OR1F1: variants seen among roughly 807,000 people sequenced by gnomAD.
OR1F1 encodes the protein olfactory receptor family 1 subfamily F member 1, also known as olfactory receptor 1F1.
For missense variants in OR1F1, 493 were observed against 376.3 expected, an observed-to-expected ratio of 1.31 and a Z score of -2.57; for synonymous variants, 184 against 156.7, an observed-to-expected ratio of 1.17 and a Z score of -1.30.
upstream of OR1F1, among the ~76,000 whole-genome samples, chr16:3,202,904 A>G (rs1476419640): frequency 1.3e-5 from 2 of 152,136 alleles, no homozygotes; most frequent in African/African-American, 2.4e-5. Context: ...CTAAGGCTAT[A>G]CAACTGGTAA....
At chr16:3,196,330 T>A in the OR1F1 span, among the ~76,000 whole-genome samples, 26 of 152,348 alleles carry the variant, frequency 1.7e-4, no homozygotes, top group Admixed American at 1.2e-3. Context: ...GTTAGTAACG[T>A]TTAGCAAGAC....
At chr16:3,189,675 G>A in the OR1F1 span, 4 of 151,886 alleles carry the variant, frequency 2.6e-5, no homozygotes, top group Admixed American at 6.7e-5. Context: ...TAGGGTGCGA[G>A]AGGTCCCGGG....
At position 3,204,857 on chromosome 16, in the gene OR1F1, C is replaced by T. The variant is rs376628301; in HGVS notation, c.611C>T (p.Ala204Val). ...GAGGTCATAATCCTTAGTGAGGGTG[C>T]CCTGGTCATGATCACCCCATTTCTT... is the stretch of plus-strand genomic sequence containing the variant. Residue 204 changes from alanine to valine, a missense_variant, in exon 1 of 1, where the codon GCC (alanine) becomes GTC (valine). Coordinates refer to ENST00000304646, the Ensembl canonical transcript of OR1F1. 785 of 1,614,122 alleles carry T rather than the reference C, an allele frequency of 4.9e-4. 10 individuals are homozygous for T. In the South Asian group the frequency reaches 8.0e-3, roughly 16 times the overall value.
At chr16:3,192,142 C>A in the OR1F1 span, among the ~76,000 whole-genome samples, 1 of 152,152 alleles carries the variant, frequency 6.6e-6, no homozygotes, top group Non-Finnish European at 1.5e-5. Context: ...GTTGAAGCTC[C>A]TTCTCCTGGG....
At chr16:3,190,617 G>A in the OR1F1 span, among the ~76,000 whole-genome samples, 2 of 152,086 alleles carry the variant, frequency 1.3e-5, no homozygotes, top group Admixed American at 6.6e-5. Context: ...CGGTCATGGT[G>A]GCGGGCGCCT....
chr16:3,192,019 T>C, the OR1F1 span, among the ~76,000 whole-genome samples: 1 of 152,016 alleles, frequency 6.6e-6, no homozygotes, highest in Non-Finnish European at 1.5e-5. Context: ...TGATTCTCGC[T>C]TAGGATGCGA....
chr16:3,199,791 G>T (rs185326330), upstream of OR1F1, among the ~76,000 whole-genome samples: 18 of 152,194 alleles, frequency 1.2e-4, 1 homozygote, highest in East Asian at 3.3e-3. Context: ...CAAGGCGGGC[G>T]GATCGCCTGA....
At chr16:3,204,666 C>T in exon 1 of OR1F1, 1 of 1,614,224 alleles carries the variant, frequency 6.2e-7, no homozygotes. Flanking sequence ...CCCATCAGCT[C>T]TGTGCCCTGC....
chr16:3,194,047 A>T, the OR1F1 span, among the ~76,000 whole-genome samples: 1 of 152,174 alleles, frequency 6.6e-6, no homozygotes. Context: ...TAAAAAGGAC[A>T]AAGCATGGAG....
chr16:3,201,608 A>G (rs1958136333), upstream of OR1F1, among the ~76,000 whole-genome samples: 1 of 152,202 alleles, frequency 6.6e-6, no homozygotes, highest in Admixed American at 6.5e-5. Flanking sequence ...TGAGCTGATG[A>G]TCCAGAATGA....
chr16:3,192,923 A>C, the OR1F1 span, among the ~76,000 whole-genome samples: 7 of 152,186 alleles, frequency 4.6e-5, no homozygotes, highest in South Asian at 1.5e-3. Context: ...GGATTAAAAA[A>C]AAAGAGTTTT....
At chr16:3,200,542 G>A (rs1444383262), upstream of OR1F1, among the ~76,000 whole-genome samples, 1 of 152,232 alleles carries the variant, frequency 6.6e-6, no homozygotes. Context: ...GGGAGGCAGT[G>A]AGCCAAGATT....
downstream of OR1F1, among the ~76,000 whole-genome samples, chr16:3,205,735 T>C (rs1215713150): frequency 2.6e-5 from 4 of 152,232 alleles, no homozygotes; most frequent in African/African-American, 7.2e-5. Flanking sequence ...GTTCCCGAAA[T>C]TAACACTTAT....
At chr16:3,197,446 A>T in the OR1F1 span, among the ~76,000 whole-genome samples, 167 of 152,218 alleles carry the variant, frequency 1.1e-3, 4 homozygotes, top group Admixed American at 9.1e-3. Flanking sequence ...TAAACCTTCA[A>T]ACTCTGGCAT....
At chr16:3,190,546 A>T in the OR1F1 span, among the ~76,000 whole-genome samples, 82,933 of 151,876 alleles carry the variant, frequency 0.55, 24,202 homozygotes, top group African/African-American at 0.76. Context: ...ATGTCAGGAG[A>T]TTGAGACCAT....
At chr16:3,202,250 C>T (rs1958142995), upstream of OR1F1, among the ~76,000 whole-genome samples, 1 of 152,174 alleles carries the variant, frequency 6.6e-6, no homozygotes, top group Non-Finnish European at 1.5e-5. Flanking sequence ...CTTGCTGCCA[C>T]ATGAGGAGAG....
the OR1F1 span, among the ~76,000 whole-genome samples, chr16:3,195,407 AGAAAG>A: frequency 6.6e-6 from 1 of 151,714 alleles, no homozygotes; most frequent in Non-Finnish European, 1.5e-5. Flanking sequence ...CATCCCAGTG[AGAAAG>A]GAAACAGGGC....
At chr16:3,204,138 C>T (rs914607050), upstream of OR1F1, 3 of 767,374 alleles carry the variant, frequency 3.9e-6, no homozygotes, top group Non-Finnish European at 6.3e-6. Flanking sequence ...TCATTTACAT[C>T]CTGCAAGCAA....
the OR1F1 span, among the ~76,000 whole-genome samples, chr16:3,194,370 G>T: frequency 2.0e-5 from 3 of 152,178 alleles, no homozygotes; most frequent in Non-Finnish European, 4.4e-5. Context: ...ATAGAAATAA[G>T]AGTACCATGT....
Sources: allele counts gnomAD v4.1 joint callset (sites outside exome capture counted in the v4.1 genomes callset), GRCh38; gene constraint gnomAD v4.1.1; transcripts MANE v1.5; gene names NCBI Gene and HGNC (gene_info 2026-07-23, HGNC 2026-07-21).